POU6F2: variants seen among roughly 807,000 people sequenced by gnomAD.
POU6F2 encodes the protein POU class 6 homeobox 2.
A neutral mutation model predicts 71.3 loss-of-function variants in POU6F2; 31 were observed. The observed-to-expected ratio is 0.43, with a 90% CI of 0.33 to 0.59. The LOEUF (loss-of-function observed/expected upper bound fraction) is 0.59. Among genes scored for constraint, POU6F2 ranks in the 20% least tolerant of loss-of-function variants. The pLI is 0.04. For synonymous variants in POU6F2, 347 were observed against 355.7 expected (o/e 0.98, Z 0.27); for missense variants, 783 against 856.8 (o/e 0.91, Z 1.07).
Position 39,464,873 on chromosome 7 carries a change from T to G in POU6F2, c.*187T>G, listed in dbSNP as rs1443154403. The G allele has an allele frequency of 2.4e-6, 2 of 827,670 alleles. No homozygotes were observed. Among genetic ancestry groups the G allele is most frequent in the African/African-American group, 3.4e-5 (2 of 58,024 alleles). 51.3% of individuals were successfully genotyped at this position (827,670 alleles called of 1,614,324 possible). On this transcript the variant is annotated 3_prime_UTR_variant, in exon 10 of 10. Transcript: ENST00000518318. The surrounding 1 kb of genome is among the most constrained non-coding windows in gnomAD (Gnocchi z 4.1). ...AATGGTTTCTACATGTCCGTTGGTTTTCCAAAAAGGAAAGAAGAAAATTTT... is the reference window on the plus strand; with the variant it reads ...AATGGTTTCTACATGTCCGTTGGTTGTCCAAAAAGGAAAGAAGAAAATTTT...
At chr7:39,244,357 A>T (rs1436368309) in intron 4 of POU6F2, among the ~76,000 whole-genome samples, 1 of 152,150 alleles carries the variant, frequency 6.6e-6, no homozygotes, top group African/African-American at 2.4e-5. Context: ...AAACAGTCTG[A>T]TTCTGTGGCA....
intron 2 of POU6F2, among the ~76,000 whole-genome samples, chr7:39,133,160 T>G (rs73124439): frequency 0.071 from 10,752 of 152,310 alleles, 480 homozygotes; most frequent in East Asian, 0.22. Context: ...CAGATAATAT[T>G]GCAAACTACC....
intron 1 of POU6F2, among the ~76,000 whole-genome samples, chr7:39,069,937 G>C (rs759196368): frequency 8.5e-5 from 13 of 152,118 alleles, no homozygotes; most frequent in Non-Finnish European, 1.6e-4. Context: ...TAATTCAAGG[G>C]TCAGCTGTAT....
At chr7:39,111,916 C>A (rs773097380) in intron 2 of POU6F2, among the ~76,000 whole-genome samples, 29 of 151,738 alleles carry the variant, frequency 1.9e-4, no homozygotes, top group Non-Finnish European at 3.8e-4. Context: ...CTTACCAAAC[C>A]CCAATGGGTG....
chr7:39,157,426 T>G (rs1419414472), intron 2 of POU6F2, among the ~76,000 whole-genome samples: 3 of 152,180 alleles, frequency 2.0e-5, no homozygotes, highest in Non-Finnish European at 4.4e-5. Context: ...CATTTATTTA[T>G]TATCGATTTT....
chr7:39,198,304 G>C (rs1793826186), intron 2 of POU6F2, among the ~76,000 whole-genome samples: 1 of 152,174 alleles, frequency 6.6e-6, no homozygotes, highest in Non-Finnish European at 1.5e-5. Flanking sequence ...TTGGCAGAAA[G>C]TACAAAAACA....
At chr7:39,332,069 A>G (rs184991442) in intron 4 of POU6F2, among the ~76,000 whole-genome samples, 1,527 of 152,312 alleles carry the variant, frequency 0.01, 28 homozygotes, top group African/African-American at 0.032. Context: ...TCAGCATTGA[A>G]TCCAACAGTT....
intron 4 of POU6F2, among the ~76,000 whole-genome samples, chr7:39,337,190 G>A (rs1467722489): frequency 2.6e-5 from 4 of 152,202 alleles, no homozygotes; most frequent in Non-Finnish European, 5.9e-5. Context: ...ATTTATTTGG[G>A]AAGTTTCAAG....
At chr7:39,030,284 T>C (rs1329910622) in intron 1 of POU6F2, among the ~76,000 whole-genome samples, 2 of 151,520 alleles carry the variant, frequency 1.3e-5, no homozygotes, top group East Asian at 1.9e-4. Context: ...TTTTGATCAA[T>C]ATTTTGCACT....
intron 5 of POU6F2, among the ~76,000 whole-genome samples, chr7:39,393,313 T>C (rs1787110732): frequency 6.6e-6 from 1 of 152,224 alleles, no homozygotes; most frequent in Non-Finnish European, 1.5e-5. Flanking sequence ...TTGTTTTTCC[T>C]AACGACATAG....
chr7:39,393,068 A>T (rs1191298419), intron 5 of POU6F2, among the ~76,000 whole-genome samples: 1 of 152,154 alleles, frequency 6.6e-6, no homozygotes, highest in Non-Finnish European at 1.5e-5. Context: ...AACTTCCCAA[A>T]CAATCTATAC....
intron 5 of POU6F2, among the ~76,000 whole-genome samples, chr7:39,358,873 T>TAAA (rs10626884): frequency 0.011 from 1,485 of 134,350 alleles, 14 homozygotes; most frequent in African/African-American, 0.033. Flanking sequence ...CTTCTGTATT[T>TAAA]AAAAAAAAAA....
chr7:39,000,913 T>G (rs1299286903), intron 1 of POU6F2, among the ~76,000 whole-genome samples: 1 of 152,236 alleles, frequency 6.6e-6, no homozygotes, highest in Non-Finnish European at 1.5e-5. Context: ...GTGTTGTTTG[T>G]TCAAATAATC....
intron 4 of POU6F2, among the ~76,000 whole-genome samples, chr7:39,337,018 C>T (rs1785791974): frequency 6.6e-6 from 1 of 152,156 alleles, no homozygotes. Flanking sequence ...CGATACAATT[C>T]TGCTACCTCT....
chr7:39,300,462 A>T (rs960024334), intron 4 of POU6F2, among the ~76,000 whole-genome samples: 1 of 152,238 alleles, frequency 6.6e-6, no homozygotes, highest in African/African-American at 2.4e-5. Flanking sequence ...GAGCTGGCCA[A>T]CAGCCACCCT....
At position 39,149,293 on chromosome 7, in the gene POU6F2, C is replaced by T. The variant is rs35796420; in HGVS notation, c.278-54942C>T. Among the ~76,000 whole-genome samples the T allele has an allele frequency of 7.4e-3, 1,121 of 152,250 alleles. 11 individuals are homozygous for T. The highest frequency in any genetic ancestry group is 0.024 in the Middle Eastern group (7 of 294). On this transcript the variant is annotated intron_variant, in intron 2 of 9. Transcript: ENST00000518318. ...ATGCAGAGGTTCAGTCTATATCCAG[C>T]CATGTACTTACTTGCAGGGAATATT... is the stretch of plus-strand genomic sequence containing the variant.
At chr7:39,349,521 A>G (rs1279777545) in intron 5 of POU6F2, among the ~76,000 whole-genome samples, 1 of 151,984 alleles carries the variant, frequency 6.6e-6, no homozygotes, top group South Asian at 2.1e-4. Context: ...GGAATTTCCA[A>G]TGGTCAGGAG....
At chr7:39,309,993 G>A (rs1562785435) in intron 4 of POU6F2, among the ~76,000 whole-genome samples, 1 of 152,178 alleles carries the variant, frequency 6.6e-6, no homozygotes, top group Non-Finnish European at 1.5e-5. Context: ...CAGGTGGAAT[G>A]GCAGATAAGC....
Position 39,189,477 on chromosome 7 carries a change from C to A in POU6F2, c.278-14758C>A, listed in dbSNP as rs988020583. On this transcript the variant is annotated intron_variant, in intron 2 of 9. Coordinates refer to ENST00000518318, the MANE Select transcript of POU6F2 (RefSeq NM_001370959.1). The stretch of plus-strand genomic sequence containing the variant: ...GCAGTTGCATAATCTCTGCTCACTG[C>A]AACCTCAGCCTCCCAGGTTCAAGCT... Among the ~76,000 whole-genome samples, 3 of 152,162 alleles carry A rather than the reference C, an allele frequency of 2.0e-5. No homozygotes were observed. The South Asian group carries it at 6.2e-4, about 32-fold the overall frequency.
Sources: gnomAD v4.1 joint callset for allele counts (sites outside exome capture counted in the v4.1 genomes callset) on GRCh38, gnomAD v4.1.1 for gene constraint, Gnocchi (gnomAD v3.1) non-coding constraint, MANE v1.5 for transcripts, NCBI Gene and HGNC (gene_info 2026-07-23, HGNC 2026-07-21) for gene names.